The following CCDC73 variants were observed in gnomAD, a reference collection of about 807,000 sequenced individuals.
CCDC73 encodes coiled-coil domain-containing protein 73.
In CCDC73, 95 loss-of-function variants were observed where a neutral mutation model predicts 116.5. That is an observed-to-expected ratio of 0.82 (90% CI 0.69 to 0.97). CCDC73 has a LOEUF of 0.97. Among genes scored for constraint, CCDC73 ranks in the 50% least tolerant of loss-of-function variants. The pLI is 0.00. For synonymous variants in CCDC73, 398 were observed against 401.3 expected (o/e 0.99, Z 0.10); for missense variants, 1,066 against 1,206.8 (o/e 0.88, Z 1.73).
rs200322290 is a variant in CCDC73, at chr11:32,614,191, A to T, written c.2127T>A (p.His709Gln). 6.2e-7 allele frequency: 1 copy of T among 1,613,968 alleles called. No homozygotes were observed. Among genetic ancestry groups the T allele is most frequent in the Non-Finnish European group, 8.5e-7 (1 of 1,179,900 alleles). Residue 709 changes from histidine to glutamine, a missense_variant, in exon 16 of 18, where the codon CAT becomes CAA. His to Gln is a conservative substitution (Grantham distance 24, BLOSUM62 0). Transcript: ENST00000335185. Reference protein sequence around the residue: ...TVPCDIVIDHHVSYAAFSANS... With the variant: ...TVPCDIVIDHQVSYAAFSANS... ...TAGCACTAAAAGCAGCATATGAAACATGGTGGTCGATTACTATATCACAGG... is the reference window on the plus strand; with the variant it reads ...TAGCACTAAAAGCAGCATATGAAACTTGGTGGTCGATTACTATATCACAGG...
chr11:32,622,903 TAACTC>T (rs1855536107), intron 14 of CCDC73, among the ~76,000 whole-genome samples: 1 of 151,814 alleles, frequency 6.6e-6, no homozygotes, highest in South Asian at 2.1e-4. Flanking sequence ...AAGGAAAAGA[TAACTC>T]AAGCAAGAAA....
the CCDC73 span, among the ~76,000 whole-genome samples, chr11:32,815,547 C>T: frequency 3.9e-5 from 6 of 152,164 alleles, no homozygotes; most frequent in South Asian, 2.1e-4. Context: ...AACCATAATA[C>T]TTTTGGTAAT....
At chr11:32,724,629 T>A (rs1022745635) in intron 2 of CCDC73, among the ~76,000 whole-genome samples, 2 of 152,210 alleles carry the variant, frequency 1.3e-5, no homozygotes, top group Admixed American at 6.5e-5. Flanking sequence ...ATTTCTAGTT[T>A]TTCTTCAATA....
intron 12 of CCDC73, among the ~76,000 whole-genome samples, chr11:32,648,907 T>C (rs913978215): frequency 6.6e-6 from 1 of 152,176 alleles, no homozygotes; most frequent in Admixed American, 6.5e-5. Flanking sequence ...AGATTAAGTA[T>C]AGTATATTCT....
intron 13 of CCDC73, among the ~76,000 whole-genome samples, chr11:32,640,537 G>C (rs972523523): frequency 6.6e-6 from 1 of 152,128 alleles, no homozygotes; most frequent in Admixed American, 6.5e-5. Flanking sequence ...TGGATAAAAT[G>C]TAGATTAACT....
chr11:32,689,215 T>C (rs936867645), intron 6 of CCDC73, among the ~76,000 whole-genome samples: 2 of 152,042 alleles, frequency 1.3e-5, no homozygotes, highest in Non-Finnish European at 2.9e-5. Context: ...CTAATAATAA[T>C]ATATACTCCC....
intron 2 of CCDC73, among the ~76,000 whole-genome samples, chr11:32,742,111 A>G (rs1348011939): frequency 2.0e-5 from 3 of 152,202 alleles, no homozygotes; most frequent in Non-Finnish European, 4.4e-5. Context: ...TAGTGCCGCA[A>G]TAAACATACG....
chr11:32,830,472 C>G, the CCDC73 span: 4 of 1,345,518 alleles, frequency 3.0e-6, no homozygotes, highest in Non-Finnish European at 4.0e-6. Context: ...GAGCTAGGGG[C>G]CTTTTTTTTT....
chr11:32,761,658 C>A (rs1850392806), intron 1 of CCDC73, among the ~76,000 whole-genome samples: 1 of 152,096 alleles, frequency 6.6e-6, no homozygotes, highest in African/African-American at 2.4e-5. Context: ...TACTAATAAG[C>A]ATTCTCCAGA....
chr11:32,644,737 C>T (rs950568478), intron 12 of CCDC73, among the ~76,000 whole-genome samples: 1 of 152,166 alleles, frequency 6.6e-6, no homozygotes, highest in African/African-American at 2.4e-5. Flanking sequence ...CAAAAGTTCC[C>T]TTGGGCCACT....
At chr11:32,822,216 C>T in the CCDC73 span, among the ~76,000 whole-genome samples, 3,799 of 152,234 alleles carry the variant, frequency 0.025, 150 homozygotes, top group African/African-American at 0.087. Flanking sequence ...TACCATAGTT[C>T]AGCTTGTTGA....
At chr11:32,740,163 T>A (rs1451837790) in intron 2 of CCDC73, among the ~76,000 whole-genome samples, 4 of 152,086 alleles carry the variant, frequency 2.6e-5, no homozygotes, top group African/African-American at 7.2e-5. Context: ...TTTTGTAATG[T>A]GTCTTTGTCT....
intron 2 of CCDC73, among the ~76,000 whole-genome samples, chr11:32,751,589 C>G (rs1157124535): frequency 6.6e-6 from 1 of 152,184 alleles, no homozygotes; most frequent in African/African-American, 2.4e-5. Context: ...CACTGAGTTC[C>G]CACAATTGCT....
chr11:32,651,628 C>T (rs1331810711), intron 12 of CCDC73, among the ~76,000 whole-genome samples: 1 of 152,166 alleles, frequency 6.6e-6, no homozygotes. Flanking sequence ...TGCTCCATTA[C>T]CATTAGACTT....
intron 1 of CCDC73, among the ~76,000 whole-genome samples, chr11:32,770,156 C>T (rs1850480006): frequency 6.6e-6 from 1 of 152,138 alleles, no homozygotes; most frequent in Non-Finnish European, 1.5e-5. Context: ...GGGCTGAACT[C>T]AGCTGGAAAT....
At chr11:32,633,691 C>G (rs1268390346) in intron 14 of CCDC73, among the ~76,000 whole-genome samples, 1 of 152,202 alleles carries the variant, frequency 6.6e-6, no homozygotes, top group Non-Finnish European at 1.5e-5. Context: ...TTGCTGTCTA[C>G]CAGGGAAGCT....
In CCDC73 at chr11:32,614,341, T is replaced by C. The variant is rs1565056667; in HGVS notation, c.1977A>G (p.Gln659=). Residue 659 remains glutamine, a synonymous_variant, in exon 16 of 18, where the codon CAA becomes CAG. Transcript: ENST00000335185. ...NSSNVMLDDK[Q]CKIKQIQLLT... ...ACAGTTGTATTTGTTTTATTTTACA[T>C]TGTTTATCATCTAACATAACATTAC... 1 of 1,611,508 alleles carries C rather than the reference T, an allele frequency of 6.2e-7. No individual in the cohort carries two copies. Among genetic ancestry groups the C allele is most frequent in the South Asian group, 1.1e-5 (1 of 90,998 alleles).
chr11:32,654,586 A>G (rs774791491), intron 10 of CCDC73, among the ~76,000 whole-genome samples: 14 of 152,340 alleles, frequency 9.2e-5, no homozygotes, highest in African/African-American at 2.6e-4. Context: ...CTATAAACTC[A>G]TCTCCAAAGC....
At chr11:32,744,845 CA>C (rs1204409802) in intron 2 of CCDC73, among the ~76,000 whole-genome samples, 1 of 152,038 alleles carries the variant, frequency 6.6e-6, no homozygotes, top group Non-Finnish European at 1.5e-5. Flanking sequence ...TTGATCTTTT[CA>C]AAAAACCAGC....
Sources: allele counts gnomAD v4.1 joint callset (sites outside exome capture counted in the v4.1 genomes callset), GRCh38; gene constraint gnomAD v4.1.1; transcripts MANE v1.5; gene names NCBI Gene and HGNC (gene_info 2026-07-23, HGNC 2026-07-21).